SH3PXD2B: variants seen among roughly 807,000 people sequenced by gnomAD.
SH3PXD2B encodes SH3 and PX domains 2B, also known as SH3 and PX domain-containing protein 2B.
A neutral mutation model predicts 73.1 loss-of-function variants in SH3PXD2B; 37 were observed. The ratio of observed to expected loss-of-function variants is 0.51; its 90% CI spans 0.39 to 0.67. The LOEUF is 0.67. Ranked by LOEUF, SH3PXD2B falls within the 30% of genes least tolerant of loss-of-function variation. The pLI is 0.00. For missense variants in SH3PXD2B, 1,053 were observed against 1,197.8 expected (o/e 0.88, Z 1.78); for synonymous variants, 457 against 480.5 (o/e 0.95, Z 0.64).
At position 172,450,807 on chromosome 5, in the gene SH3PXD2B, C is replaced by A. The variant is rs534723001; in HGVS notation, c.75+3471G>T. 1.4e-3 allele frequency among the ~76,000 whole-genome samples: 215 copies of A among 152,232 alleles called. 3 individuals carry two copies. The highest frequency in any genetic ancestry group is 0.014 in the Admixed American group (211 of 15,294). ...AGCTGGGGAGGGTCTCCCAGGATGT[C>A]ACCCTCAAAAGCCCCTCTCCATTCA... On this transcript the variant is annotated intron_variant, in intron 1 of 12. Coordinates refer to ENST00000311601, the MANE Select transcript of SH3PXD2B (RefSeq NM_001017995.3).
At chr5:172,384,425 T>C (rs1394688133) in intron 4 of SH3PXD2B, among the ~76,000 whole-genome samples, 11 of 152,184 alleles carry the variant, frequency 7.2e-5, no homozygotes, top group Non-Finnish European at 1.6e-4. Flanking sequence ...ATTTAATGCA[T>C]TCACACTGCT....
chr5:172,329,727 CA>C (rs1288406007), downstream of SH3PXD2B, among the ~76,000 whole-genome samples: 3 of 151,878 alleles, frequency 2.0e-5, no homozygotes, highest in East Asian at 5.8e-4. Flanking sequence ...TTAGTAGAGA[CA>C]GGGTTTCACT....
At chr5:172,326,748 G>A (rs1756453070) in intron 12 of SH3PXD2B, among the ~76,000 whole-genome samples, 1 of 151,948 alleles carries the variant, frequency 6.6e-6, no homozygotes, top group Admixed American at 6.6e-5. Flanking sequence ...AAATACTTGT[G>A]TAACATTCTG....
chr5:172,450,823 T>A (rs1759778661), intron 1 of SH3PXD2B, among the ~76,000 whole-genome samples: 1 of 152,000 alleles, frequency 6.6e-6, no homozygotes, highest in African/African-American at 2.4e-5. Flanking sequence ...CAAAAGCCCC[T>A]CTCCATTCAT....
rs1016717926 is a variant in SH3PXD2B, at chr5:172,449,125, A to G, written c.75+5153T>C. Among the ~76,000 whole-genome samples the G allele has an allele frequency of 2.0e-5, 3 of 152,230 alleles. No homozygotes were observed. The South Asian group carries it at 6.2e-4, about 32-fold the overall frequency. On this transcript the variant is annotated intron_variant, in intron 1 of 12. Coordinates refer to ENST00000311601, the MANE Select transcript of SH3PXD2B (RefSeq NM_001017995.3). ...AGGGAGGTTTCAGGGCTGGCAGTAC[A>G]GAGCCTGCAGAGCCATCACTCCAGG...
intron 12 of SH3PXD2B, chr5:172,325,431 G>GAT: frequency 7.7e-7 from 1 of 1,294,796 alleles, no homozygotes; most frequent in Non-Finnish European, 1.1e-6. Context: ...CTTTCCAAAC[G>GAT]AAAGACTAAC....
chr5:172,442,719 T>C (rs1268904195), intron 1 of SH3PXD2B, among the ~76,000 whole-genome samples: 1 of 152,230 alleles, frequency 6.6e-6, no homozygotes, highest in Admixed American at 6.5e-5. Context: ...ATGATGATGA[T>C]GGTAAAGATA....
At chr5:172,327,332 AAGGTAAAATGC>A (rs1441680508) in intron 12 of SH3PXD2B, among the ~76,000 whole-genome samples, 5 of 152,268 alleles carry the variant, frequency 3.3e-5, no homozygotes, top group Non-Finnish European at 7.4e-5. Context: ...TCGTTTTCGA[AAGGTAAAATGC>A]ATGTCAGAGC....
intron 2 of SH3PXD2B, among the ~76,000 whole-genome samples, chr5:172,417,503 T>C (rs1312829757): frequency 6.6e-6 from 1 of 152,238 alleles, no homozygotes; most frequent in Non-Finnish European, 1.5e-5. Flanking sequence ...AGCTAATCAA[T>C]GCTCTGTTTG....
intron 4 of SH3PXD2B, among the ~76,000 whole-genome samples, chr5:172,393,036 A>G (rs1212034598): frequency 6.6e-6 from 1 of 152,140 alleles, no homozygotes; most frequent in Non-Finnish European, 1.5e-5. Flanking sequence ...AAGTGTTTTG[A>G]CTATTCTGGA....
Position 172,421,216 on chromosome 5 carries a change from C to T in SH3PXD2B, c.156+1200G>A, listed in dbSNP as rs1758957103. ...GGTTTTCCAAATAACTCTGTTACAT[C>T]CTATGAGGAGGAACCATGACTACCT... On this transcript the variant is annotated intron_variant, in intron 2 of 12. Transcript: ENST00000311601. The surrounding 1 kb of genome is among the most constrained non-coding windows in gnomAD (Gnocchi z 4.0). Among the ~76,000 whole-genome samples the T allele has an allele frequency of 6.6e-6, 1 of 152,138 alleles. No homozygotes were observed. The highest frequency in any genetic ancestry group is 1.5e-5 in the Non-Finnish European group (1 of 68,012).
At chr5:172,420,922 C>CA (rs577683244) in intron 2 of SH3PXD2B, among the ~76,000 whole-genome samples, 5 of 151,882 alleles carry the variant, frequency 3.3e-5, no homozygotes, top group South Asian at 2.1e-4. Flanking sequence ...CAGGTGACAC[C>CA]AAAAAAACCC....
intron 1 of SH3PXD2B, among the ~76,000 whole-genome samples, chr5:172,451,370 G>C (rs181848740): frequency 6.6e-4 from 100 of 152,340 alleles, no homozygotes; most frequent in African/African-American, 2.2e-3. Flanking sequence ...GGGTGGGAAT[G>C]TGTGTGGTGC....
intron 3 of SH3PXD2B, among the ~76,000 whole-genome samples, chr5:172,400,008 G>A (rs1038812298): frequency 3.3e-5 from 5 of 152,284 alleles, no homozygotes; most frequent in East Asian, 1.9e-4. Context: ...ATGTTACCAC[G>A]GGTGATAAAT....
intron 10 of SH3PXD2B, among the ~76,000 whole-genome samples, chr5:172,349,487 G>A (rs1026753357): frequency 1.3e-5 from 2 of 152,192 alleles, no homozygotes; most frequent in Admixed American, 6.5e-5. Context: ...AAATATACAC[G>A]AGGAGGCTTT....
intron 1 of SH3PXD2B, among the ~76,000 whole-genome samples, chr5:172,425,612 G>A (rs943066672): frequency 1.3e-4 from 20 of 152,268 alleles, no homozygotes; most frequent in Admixed American, 1.3e-3. Context: ...TGCTGCGGGA[G>A]GAAGGGGCTG....
intron 6 of SH3PXD2B, among the ~76,000 whole-genome samples, chr5:172,364,896 C>T: frequency 6.6e-6 from 1 of 152,162 alleles, no homozygotes; most frequent in East Asian, 1.9e-4. Flanking sequence ...AGTTAAGCAT[C>T]CACGAGCACA....
intron 7 of SH3PXD2B, among the ~76,000 whole-genome samples, chr5:172,360,992 T>C (rs1244459312): frequency 6.6e-6 from 1 of 152,110 alleles, no homozygotes; most frequent in Non-Finnish European, 1.5e-5. Context: ...CACTGAATAC[T>C]ACGCAGATGT....
intron 1 of SH3PXD2B, among the ~76,000 whole-genome samples, chr5:172,449,191 AG>A (rs1455088437): frequency 6.6e-6 from 1 of 152,198 alleles, no homozygotes; most frequent in African/African-American, 2.4e-5. Flanking sequence ...AGAATGACTA[AG>A]GGCTGGCGGT....
Sources: gnomAD v4.1 joint callset for allele counts (sites outside exome capture counted in the v4.1 genomes callset) on GRCh38, gnomAD v4.1.1 for gene constraint, Gnocchi (gnomAD v3.1) non-coding constraint, MANE v1.5 for transcripts, NCBI Gene and HGNC (gene_info 2026-07-23, HGNC 2026-07-21) for gene names.